SDK2: variants seen among roughly 807,000 people sequenced by gnomAD.
SDK2 encodes protein sidekick-2.
In SDK2, 105 loss-of-function variants were observed where a neutral mutation model predicts 253.9. The observed-to-expected ratio is 0.41, with a 90% CI of 0.35 to 0.49. The LOEUF (loss-of-function observed/expected upper bound fraction) is 0.49. Ranked by LOEUF, SDK2 falls within the 20% of genes least tolerant of loss-of-function variation. The pLI is 0.06. For missense variants in SDK2, 2,608 were observed against 3,003.0 expected (o/e 0.87, Z 3.07); for synonymous variants, 1,249 against 1,234.9 (o/e 1.01, Z -0.24).
At chr17:73,418,627 A>G (rs1048562801) in intron 16 of SDK2, among the ~76,000 whole-genome samples, 1 of 152,230 alleles carries the variant, frequency 6.6e-6, no homozygotes, top group Non-Finnish European at 1.5e-5. Flanking sequence ...TAACTTATGA[A>G]TTTGAACTTA....
chr17:73,354,230 G>T (rs1244103513), intron 40 of SDK2, among the ~76,000 whole-genome samples: 1 of 152,196 alleles, frequency 6.6e-6, no homozygotes, highest in African/African-American at 2.4e-5. Context: ...TGGGTTTCCT[G>T]TCTGTTCTCC....
At chr17:73,619,793 T>C (rs1047332412) in intron 1 of SDK2, among the ~76,000 whole-genome samples, 7 of 152,138 alleles carry the variant, frequency 4.6e-5, no homozygotes, top group Non-Finnish European at 7.3e-5. Flanking sequence ...AGGCAATCTA[T>C]AGAATGAAAG....
rs1228973675 is a variant in SDK2 at position 73,612,307 on chromosome 17, G to T, written c.64+31718C>A. Among the ~76,000 whole-genome samples the T allele has an allele frequency of 1.3e-5, 2 of 150,968 alleles. No homozygotes were observed. The highest frequency in any genetic ancestry group is 3.0e-5 in the Non-Finnish European group (2 of 67,696). ...CCTGGGCTGCAGGCTGGCCCCGCAT[G>T]GTCCCCTACCCTCATCGGGTCACTG... is the stretch of plus-strand genomic sequence containing the variant. On this transcript the variant is annotated intron_variant, in intron 1 of 44. Coordinates refer to ENST00000392650, the MANE Select transcript of SDK2 (RefSeq NM_001144952.2). The surrounding 1 kb of genome is among the most constrained non-coding windows in gnomAD (Gnocchi z 4.4).
chr17:73,457,253 TC>T (rs2063532694), intron 3 of SDK2, among the ~76,000 whole-genome samples: 1 of 59,714 alleles, frequency 1.7e-5, no homozygotes, highest in Admixed American at 1.7e-4. Flanking sequence ...CTTCCTTCCT[TC>T]CTTCCTTCCT....
intron 27 of SDK2, among the ~76,000 whole-genome samples, chr17:73,392,152 G>A (rs1170828893): frequency 4.0e-5 from 6 of 151,894 alleles, no homozygotes; most frequent in African/African-American, 1.5e-4. Context: ...ATTGAATGGA[G>A]TGGGTCAAAG....
intron 29 of SDK2, among the ~76,000 whole-genome samples, chr17:73,389,475 T>G (rs376343638): frequency 2.5e-4 from 38 of 151,882 alleles, no homozygotes; most frequent in African/African-American, 8.9e-4. Flanking sequence ...TGAGCCACCA[T>G]GCCCGGCCTA....
At chr17:73,509,025 C>T (rs1247051168) in intron 1 of SDK2, among the ~76,000 whole-genome samples, 5 of 152,176 alleles carry the variant, frequency 3.3e-5, no homozygotes, top group Admixed American at 3.3e-4. Context: ...CTTCCAGTGA[C>T]CACACTGTGC....
intron 12 of SDK2, among the ~76,000 whole-genome samples, chr17:73,429,341 T>C (rs1300760224): frequency 1.3e-5 from 2 of 152,214 alleles, no homozygotes; most frequent in African/African-American, 4.8e-5. Context: ...ATCTTCTAAC[T>C]ATTAATACAT....
In SDK2 at chr17:73,365,194, C is replaced by A. The variant is rs879150049; in HGVS notation, c.5305+64G>T. 1.2e-5 allele frequency: 16 copies of A among 1,336,574 alleles called. 1 individual carries two copies. The South Asian group carries it at 2.4e-4, about 20-fold the overall frequency. The allele number at this position is 1,336,574 out of a possible 1,614,324, so 82.8% of individuals were successfully genotyped here. A position where few individuals can be genotyped will look rare whatever the true frequency, so the allele number is the denominator to read the frequency against. On this transcript the variant is annotated intron_variant, in intron 38 of 44. Transcript: ENST00000392650. ...TCATGTGTAGTGGCTGTGATGGGCG[C>A]TGAGATGAGAGCGAGCTTTTGCAAA...
chr17:73,540,137 G>A (rs1177609790), intron 1 of SDK2, among the ~76,000 whole-genome samples: 2 of 152,206 alleles, frequency 1.3e-5, no homozygotes, highest in African/African-American at 4.8e-5. Flanking sequence ...GGGTCATGCA[G>A]CTGTGAACCA....
intron 1 of SDK2, among the ~76,000 whole-genome samples, chr17:73,606,355 T>C (rs1018876252): frequency 6.6e-6 from 1 of 151,446 alleles, no homozygotes; most frequent in Non-Finnish European, 1.5e-5. Flanking sequence ...GGGCTCTGGG[T>C]GGTCTGCTGA....
intron 1 of SDK2, among the ~76,000 whole-genome samples, chr17:73,531,844 C>A (rs1230930901): frequency 6.6e-6 from 1 of 152,132 alleles, no homozygotes; most frequent in Non-Finnish European, 1.5e-5. Context: ...AACCACACAC[C>A]CTTTCCCCCA....
intron 21 of SDK2, among the ~76,000 whole-genome samples, chr17:73,400,250 G>A (rs141782900): frequency 2.0e-3 from 303 of 152,338 alleles, no homozygotes; most frequent in Non-Finnish European, 3.7e-3. Flanking sequence ...CTTGGCAGAA[G>A]CAGAGCTGAG....
chr17:73,358,193 G>C lies in SDK2; in HGVS notation c.5479C>G (p.Pro1827Ala). Reference protein sequence around the residue: ...TTGPGEGAPGPPGVPIIVRYS... With the variant: ...TTGPGEGAPGAPGVPIIVRYS... ...CGCACGATGATGGGCACGCCAGGCG[G>C]TCCTGGGGCACCTGCAGACAGCACA... Residue 1827 changes from proline (P) to alanine (A), a missense_variant, in exon 40 of 45, where the codon CCG (proline) becomes GCG (alanine). By Grantham distance (27) the Pro-to-Ala change is conservative. Transcript: ENST00000392650. The C allele has an allele frequency of 6.2e-7, 1 of 1,603,734 alleles. No homozygotes were observed. Among genetic ancestry groups the C allele is most frequent in the Non-Finnish European group, 8.5e-7 (1 of 1,177,160 alleles).
chr17:73,574,410 C>CACATGCATGAACATGTGT (rs2045429120), intron 1 of SDK2, among the ~76,000 whole-genome samples: 1 of 125,264 alleles, frequency 8.0e-6, no homozygotes, highest in Admixed American at 7.9e-5. Flanking sequence ...CAGCTGACAT[C>CACATGCATGAACATGTGT]ACGTGCATGC....
intron 32 of SDK2, 98 bp downstream of exon 32, chr17:73,385,749 G>A (rs1278441914): frequency 8.9e-7 from 1 of 1,120,320 alleles, no homozygotes; most frequent in Non-Finnish European, 1.3e-6. Flanking sequence ...AGAGAACTTG[G>A]GGGCTCCACG....
intron 4 of SDK2, among the ~76,000 whole-genome samples, chr17:73,450,148 G>C (rs1286175400): frequency 1.3e-5 from 2 of 152,160 alleles, no homozygotes; most frequent in Non-Finnish European, 2.9e-5. Context: ...TTGGAGGAGG[G>C]GTCCTCCCCG....
intron 11 of SDK2, 30 bp from the exon 12 acceptor site, chr17:73,430,643 A>G (rs2063319565): frequency 6.9e-7 from 1 of 1,459,014 alleles, no homozygotes; most frequent in African/African-American, 1.4e-5. Flanking sequence ...CAGCATGGTG[A>G]GAAGAGGTGT....
At chr17:73,548,265 C>T (rs1371401946) in intron 1 of SDK2, among the ~76,000 whole-genome samples, 2 of 152,184 alleles carry the variant, frequency 1.3e-5, no homozygotes, top group East Asian at 3.9e-4. Flanking sequence ...GGGACACATG[C>T]CCTTTCTGCT....
Sources: allele counts gnomAD v4.1 joint callset (sites outside exome capture counted in the v4.1 genomes callset), GRCh38; gene constraint gnomAD v4.1.1; non-coding constraint Gnocchi (gnomAD v3.1); transcripts MANE v1.5; gene names NCBI Gene and HGNC (gene_info 2026-07-23, HGNC 2026-07-21).